CEP112: variants seen among roughly 807,000 people sequenced by gnomAD.
The protein encoded by CEP112 is centrosomal protein 112, also known as centrosomal protein of 112 kDa.
CEP112 carries 127 observed loss-of-function variants against 153.0 expected under a neutral mutation model. That is an observed-to-expected ratio of 0.83 (90% confidence interval 0.72 to 0.96). The LOEUF (loss-of-function observed/expected upper bound fraction) is 0.96, where lower values mean the gene tolerates loss of function less well. Ranked by LOEUF, CEP112 falls within the 40% of genes least tolerant of loss-of-function variation. The pLI is 0.00. For synonymous variants in CEP112, 358 were observed against 374.4 expected (o/e 0.96, Z 0.51); for missense variants, 1,089 against 1,101.2 (o/e 0.99, Z 0.16).
chr17:65,713,618 G>A (rs773069986), intron 23 of CEP112, among the ~76,000 whole-genome samples: 8 of 151,852 alleles, frequency 5.3e-5, no homozygotes, highest in South Asian at 2.1e-4. Flanking sequence ...ATGGAGTCTC[G>A]CTCTGTCGCC....
intron 23 of CEP112, among the ~76,000 whole-genome samples, chr17:65,718,879 C>T (rs968228220): frequency 2.6e-5 from 4 of 152,038 alleles, no homozygotes; most frequent in South Asian, 2.1e-4. Context: ...GATGTTTCCA[C>T]GTGAAACCTT....
intron 24 of CEP112, among the ~76,000 whole-genome samples, chr17:65,646,125 C>T (rs1190786576): frequency 6.6e-6 from 1 of 152,206 alleles, no homozygotes; most frequent in Non-Finnish European, 1.5e-5. Flanking sequence ...TAGTAGGAGG[C>T]TAGGCCATAG....
At chr17:66,096,810 A>G (rs912491384) in intron 6 of CEP112, among the ~76,000 whole-genome samples, 178 bp from the exon 7 acceptor site, 34 of 152,204 alleles carry the variant, frequency 2.2e-4, no homozygotes, top group African/African-American at 7.5e-4. Flanking sequence ...CAAGTAAAAT[A>G]TAAAACATAA....
chr17:65,923,933 C>A (rs2060824392), intron 19 of CEP112, among the ~76,000 whole-genome samples: 1 of 152,066 alleles, frequency 6.6e-6, no homozygotes, highest in Non-Finnish European at 1.5e-5. Context: ...TTATATTAAT[C>A]TTTTTAATAA....
At chr17:65,640,120 G>A (rs2045032500) in intron 25 of CEP112, among the ~76,000 whole-genome samples, 1 of 142,658 alleles carries the variant, frequency 7.0e-6, no homozygotes, top group Admixed American at 7.1e-5. Flanking sequence ...TTACAGGCGT[G>A]AGCCACTGCA....
intron 16 of CEP112, among the ~76,000 whole-genome samples, chr17:66,021,633 T>C (rs2065002253): frequency 6.6e-6 from 1 of 152,164 alleles, no homozygotes; most frequent in Non-Finnish European, 1.5e-5. Context: ...TCACTTCCCA[T>C]GCAGAGAACT....
At chr17:65,962,775 C>T (rs997129606) in intron 17 of CEP112, among the ~76,000 whole-genome samples, 5 of 152,158 alleles carry the variant, frequency 3.3e-5, no homozygotes, top group Non-Finnish European at 7.4e-5. Context: ...AGTTCCCCTG[C>T]ACAAGCTCTC....
intron 21 of CEP112, among the ~76,000 whole-genome samples, chr17:65,841,933 A>G (rs2057535565): frequency 6.6e-6 from 1 of 151,728 alleles, no homozygotes; most frequent in Non-Finnish European, 1.5e-5. Flanking sequence ...CACGAGACTT[A>G]GGGCACAAAT....
chr17:66,160,312 T>C (rs981444839), intron 4 of CEP112, among the ~76,000 whole-genome samples: 2 of 152,200 alleles, frequency 1.3e-5, no homozygotes, highest in Non-Finnish European at 2.9e-5. Context: ...AAGCCACCAC[T>C]GACTTTCTTC....
intron 21 of CEP112, among the ~76,000 whole-genome samples, chr17:65,766,749 A>T (rs2873818): frequency 0.47 from 70,768 of 149,184 alleles, 18,460 homozygotes; most frequent in East Asian, 0.78. Flanking sequence ...ATATTTAGAT[A>T]TAAAATAGAC....
rs1568485801 is a variant in CEP112 at position 66,096,634 on chromosome 17, T to C, written c.643-2A>G. The stretch of plus-strand genomic sequence containing the variant: ...TCTCAGGTATCGAGGATTTTCTATC[T>C]GAAAATTTAAAAATAAAACAAAATA... On this transcript the variant is annotated splice_acceptor_variant, in intron 6 of 26. Transcript: ENST00000535342. LOFTEE classifies it high-confidence loss of function. 2 of 1,566,242 alleles carry C rather than the reference T, an allele frequency of 1.3e-6. No individual in the cohort carries two copies. The highest frequency in any genetic ancestry group is 1.7e-6 in the Non-Finnish European group (2 of 1,143,234).
intron 16 of CEP112, among the ~76,000 whole-genome samples, chr17:66,015,918 A>G (rs1175150876): frequency 6.6e-6 from 1 of 152,050 alleles, no homozygotes; most frequent in East Asian, 1.9e-4. Flanking sequence ...CTTCCTCAAA[A>G]TTTTTGATTC....
chr17:66,174,970 ACAGAATGTATAAAT>A, intron 4 of CEP112, 60 bp downstream of exon 4: 1 of 1,047,006 alleles, frequency 9.6e-7, no homozygotes, highest in Non-Finnish European at 1.3e-6. Flanking sequence ...AAAAGGAAAA[ACAGAATGTATAAAT>A]CAGTTCCAAA....
intron 21 of CEP112, among the ~76,000 whole-genome samples, chr17:65,784,809 A>G (rs1363802288): frequency 6.6e-6 from 1 of 152,164 alleles, no homozygotes; most frequent in Non-Finnish European, 1.5e-5. Flanking sequence ...AGCTGTAGTA[A>G]GATATAATTC....
chr17:66,131,837 T>C (rs1309819519), intron 5 of CEP112, among the ~76,000 whole-genome samples: 1 of 151,862 alleles, frequency 6.6e-6, no homozygotes, highest in Non-Finnish European at 1.5e-5. Flanking sequence ...AGTTAGGCAA[T>C]AAAGACTGGA....
intron 8 of CEP112, among the ~76,000 whole-genome samples, chr17:66,088,097 G>A (rs757807282): frequency 1.3e-5 from 2 of 151,840 alleles, no homozygotes; most frequent in African/African-American, 2.4e-5. Flanking sequence ...CCTAGTGCTG[G>A]ACTGACCCCA....
intron 4 of CEP112, among the ~76,000 whole-genome samples, chr17:66,157,999 G>A (rs11867331): frequency 0.034 from 5,184 of 152,136 alleles, 131 homozygotes; most frequent in South Asian, 0.061. Flanking sequence ...AATTAACAAG[G>A]AGATTCAGGA....
At chr17:66,032,352 G>GA (rs56144670) in intron 12 of CEP112, among the ~76,000 whole-genome samples, 6,765 of 146,414 alleles carry the variant, frequency 0.046, 197 homozygotes, top group South Asian at 0.098. Flanking sequence ...GAAACCAAGT[G>GA]AAAAAAAAAA....
chr17:66,171,416 C>G (rs1240096653), intron 4 of CEP112, among the ~76,000 whole-genome samples: 1 of 152,122 alleles, frequency 6.6e-6, no homozygotes, highest in Non-Finnish European at 1.5e-5. Flanking sequence ...ATAAATTATT[C>G]ACCATAAAAA....
Sources: allele counts gnomAD v4.1 joint callset (sites outside exome capture counted in the v4.1 genomes callset), GRCh38; gene constraint gnomAD v4.1.1; transcripts MANE v1.5; gene names NCBI Gene and HGNC (gene_info 2026-07-23, HGNC 2026-07-21).